Variants in BTBD7 observed in about 807,000 individuals in gnomAD.
BTBD7 encodes BTB/POZ domain-containing protein 7.
Under a neutral mutation model 99.9 loss-of-function variants are expected in BTBD7, and 38 were observed. The ratio of observed to expected loss-of-function variants is 0.38; its 90% confidence interval spans 0.29 to 0.50. BTBD7 has a LOEUF of 0.50. Among genes scored for constraint, BTBD7 ranks in the 20% least tolerant of loss-of-function variants. The probability of loss-of-function intolerance (pLI) is 0.93; values close to 1 mark genes in which losing one functional copy is unlikely to be tolerated. For synonymous variants in BTBD7, 520 were observed against 511.4 expected (o/e 1.02, Z -0.23); for missense variants, 1,170 against 1,394.6 (o/e 0.84, Z 2.57).
At chr14:93,268,394 C>T (rs572674636) in intron 3 of BTBD7, among the ~76,000 whole-genome samples, 5 of 152,272 alleles carry the variant, frequency 3.3e-5, no homozygotes, top group African/African-American at 1.2e-4. Context: ...AGACTAAGTT[C>T]CTTTTCGGTA....
intron 1 of BTBD7, among the ~76,000 whole-genome samples, chr14:93,315,937 G>A (rs1050526015): frequency 1.2e-4 from 18 of 146,672 alleles, no homozygotes; most frequent in African/African-American, 4.1e-4. Flanking sequence ...TATATGCCTA[G>A]GAGCAAAATG....
At position 93,240,400 on chromosome 14, in the gene BTBD7, CTA is replaced by C. The variant is rs2052211120; in HGVS notation, c.*1871_*1872del. ...AAGGAGGAAAAGACCGTAAGAGAAACTATAGTTTTGGGAGAAATCAGCGTTGT... is the reference window on the plus strand; with the variant it reads ...AAGGAGGAAAAGACCGTAAGAGAAACTAGTTTTGGGAGAAATCAGCGTTGT... On this transcript the variant is annotated 3_prime_UTR_variant, in exon 11 of 11. Coordinates refer to ENST00000334746, the MANE Select transcript of BTBD7 (RefSeq NM_001002860.4). 6.6e-6 allele frequency: 1 copy of C among 152,644 alleles called. No homozygotes were observed. The allele number at this position is 152,644 out of a possible 1,614,324, so 9.5% of individuals were successfully genotyped here. A position where few individuals can be genotyped will look rare whatever the true frequency, so the allele number is the denominator to read the frequency against.
chr14:93,276,889 T>C (rs1367314977), intron 3 of BTBD7, among the ~76,000 whole-genome samples: 5 of 134,408 alleles, frequency 3.7e-5, no homozygotes, highest in African/African-American at 1.5e-4. Flanking sequence ...CACACACAGA[T>C]TAATTTTTTT....
rs1409687387 is a variant in BTBD7 at position 93,263,968 on chromosome 14, G to A, written c.1188C>T (p.Ser396=). 1.2e-6 allele frequency: 2 copies of A among 1,613,948 alleles called. No homozygotes were observed. Among genetic ancestry groups the A allele is most frequent in the South Asian group, 1.1e-5 (1 of 91,086 alleles). ...TGGCAATTAAGGTATCTAATGAGATGCTCTCAGCAATGATATCCTCACAGC... is the reference window on the plus strand; with the variant it reads ...TGGCAATTAAGGTATCTAATGAGATACTCTCAGCAATGATATCCTCACAGC... The part of the protein sequence containing the change: ...AQGCEDIIAE[S]ISLDTLIAIL... The change falls in exon 4 of 11, where the codon AGC becomes AGT. Residue 396 remains serine (S), a synonymous_variant. Transcript: ENST00000334746.
intron 8 of BTBD7, among the ~76,000 whole-genome samples, chr14:93,249,930 G>T (rs1188750733): frequency 6.6e-6 from 1 of 152,108 alleles, no homozygotes; most frequent in Non-Finnish European, 1.5e-5. Context: ...AAAAGGAACT[G>T]GCATTTACTG....
At chr14:93,253,846 A>G in intron 6 of BTBD7, 56 bp from the exon 7 acceptor site, 1 of 750,562 alleles carries the variant, frequency 1.3e-6, no homozygotes, top group Admixed American at 3.5e-5. Context: ...AATACTACTA[A>G]GATAAATAAA....
chr14:93,257,347 A>G lies in BTBD7; in HGVS notation c.1456T>C (p.Leu486=). ...ACACTATGGGCAGTGCCACTCAGTA[A>G]GTTTGGCTCTATGAGACAGAAAATG... ...MKRIADREPN[L]LSGTAHSVNK... Residue 486 remains leucine, a synonymous_variant, in exon 6 of 11, where the codon TTA becomes CTA. Transcript: ENST00000334746. 1 of 1,601,062 alleles carries G rather than the reference A, an allele frequency of 6.2e-7. No individual in the cohort carries two copies. Among genetic ancestry groups the G allele is most frequent in the African/African-American group, 1.3e-5 (1 of 74,240 alleles).
intron 1 of BTBD7, among the ~76,000 whole-genome samples, chr14:93,313,555 T>A (rs1362894083): frequency 6.6e-6 from 1 of 151,978 alleles, no homozygotes; most frequent in East Asian, 1.9e-4. Flanking sequence ...TATGCAACAA[T>A]CGAATAATTT....
Position 93,294,185 on chromosome 14 carries a change from C to A in BTBD7, c.835G>T (p.Ala279Ser). Residue 279 changes from alanine (A) to serine (S), a missense_variant, in exon 3 of 11, where the codon GCT becomes TCT. Physicochemically the swap from Ala to Ser is moderately conservative, Grantham distance 99. This residue lies in a region of BTBD7 where 359 missense variants were observed against 497.9 expected (regional missense o/e 0.72). Transcript: ENST00000334746. Reference sequence around the variant, plus strand: ...AATGGGGACCGTGCAGAAATAACAGCCTTGTGGGCTTTGAGCTCTTCATCT... The same window carrying A: ...AATGGGGACCGTGCAGAAATAACAGACTTGTGGGCTTTGAGCTCTTCATCT... ...CLDEELKAHKAVISARSPFFR... is the reference protein window; with the variant it reads ...CLDEELKAHKSVISARSPFFR... The A allele has an allele frequency of 6.2e-7, 1 of 1,614,162 alleles. No homozygotes were observed. Among genetic ancestry groups the A allele is most frequent in the Non-Finnish European group, 8.5e-7 (1 of 1,180,012 alleles).
chr14:93,273,987 A>G (rs2139726723), intron 3 of BTBD7, among the ~76,000 whole-genome samples: 1 of 152,338 alleles, frequency 6.6e-6, no homozygotes, highest in African/African-American at 2.4e-5. Context: ...GATTCACTGC[A>G]GCATCTTCTG....
chr14:93,244,839 T>C (rs2052284841), intron 10 of BTBD7, among the ~76,000 whole-genome samples: 1 of 148,794 alleles, frequency 6.7e-6, no homozygotes, highest in Non-Finnish European at 1.5e-5. Flanking sequence ...TATGAAGACT[T>C]ACAAATCTTA....
At chr14:93,248,304 A>G (rs61625648) in intron 9 of BTBD7, among the ~76,000 whole-genome samples, 172 bp downstream of exon 9, 18,697 of 152,158 alleles carry the variant, frequency 0.12, 1,496 homozygotes, top group African/African-American at 0.22. Context: ...AGTCCACTCC[A>G]TGACGCTGCC....
chr14:93,292,655 T>A (rs2052872495), intron 3 of BTBD7, among the ~76,000 whole-genome samples: 2 of 152,202 alleles, frequency 1.3e-5, no homozygotes, highest in Admixed American at 6.5e-5. Context: ...CTGAGATTTT[T>A]AAAAAATACA....
chr14:93,243,042 C>A lies in BTBD7; in HGVS notation c.2630G>T (p.Gly877Val). The A allele has an allele frequency of 1.9e-6, 3 of 1,614,034 alleles. No homozygotes were observed. The highest frequency in any genetic ancestry group is 2.5e-6 in the Non-Finnish European group (3 of 1,180,004). ...GTCCTTGAGTGACAGTGTGGACACA[C>A]CCACCGCGATGTCTGGCATCAGATC... ...LNDLMPDIAV[G>V]VSTLSLKDRR... is the part of the protein sequence containing the mutation. Residue 877 changes from glycine to valine, a missense_variant, in exon 11 of 11, where the codon GGT (glycine) becomes GTT (valine). Physicochemically the swap from Gly to Val is moderately radical, Grantham distance 109 (BLOSUM62 -3). Around this residue, in one of 4 missense-constraint regions of BTBD7, gnomAD observed 495 missense variants for 525.9 expected, o/e 0.94. Coordinates refer to ENST00000334746, the MANE Select transcript of BTBD7 (RefSeq NM_001002860.4).
chr14:93,239,444 T>C lies in BTBD7; in HGVS notation c.*2829A>G, dbSNP rs929481337. 2.6e-5 allele frequency: 4 copies of C among 151,834 alleles called. No homozygotes were observed. The highest frequency in any genetic ancestry group is 9.7e-5 in the African/African-American group (4 of 41,192). The allele number at this position is 151,834 out of a possible 1,614,324, so 9.4% of individuals were successfully genotyped here. A position where few individuals can be genotyped will look rare whatever the true frequency, so the allele number is the denominator to read the frequency against. ...TGGCCTAAATTTTATTTTATATATA[T>C]ATATGCTTTTTTTTTTTTTCTGAGA... On this transcript the variant is annotated 3_prime_UTR_variant, in exon 11 of 11. Transcript: ENST00000334746.
chr14:93,300,877 A>C (rs2052996667), intron 1 of BTBD7, among the ~76,000 whole-genome samples: 1 of 151,604 alleles, frequency 6.6e-6, no homozygotes, highest in South Asian at 2.1e-4. Context: ...TGGCTTCCCA[A>C]AGTGCTGGGA....
chr14:93,269,055 A>G (rs1451447907), intron 3 of BTBD7, among the ~76,000 whole-genome samples: 1 of 152,064 alleles, frequency 6.6e-6, no homozygotes, highest in Non-Finnish European at 1.5e-5. Context: ...CACTGCACCC[A>G]GCTCTAACTT....
intron 3 of BTBD7, among the ~76,000 whole-genome samples, chr14:93,279,488 G>C (rs2052693497): frequency 2.6e-5 from 4 of 152,284 alleles, no homozygotes; most frequent in South Asian, 4.1e-4. Context: ...CCAGCACCCA[G>C]TGTTCTATTA....
At chr14:93,290,510 CCTTTT>C (rs1342177995) in intron 3 of BTBD7, among the ~76,000 whole-genome samples, 1 of 102,608 alleles carries the variant, frequency 9.7e-6, no homozygotes, top group Non-Finnish European at 1.8e-5. Context: ...CTGCACTTGG[CCTTTT>C]TTTTTTTTTT....
Sources: gnomAD v4.1 joint callset for allele counts (sites outside exome capture counted in the v4.1 genomes callset) on GRCh38, gnomAD v4.1.1 for gene constraint, gnomAD v4.1.1 regional missense constraint, MANE v1.5 for transcripts, NCBI Gene and HGNC (gene_info 2026-07-23, HGNC 2026-07-21) for gene names.